The following PPP1R26 variants were observed in gnomAD, a reference collection of about 807,000 sequenced individuals.
The protein encoded by PPP1R26 is 1A6/DRIM (down-regulated in metastasis) interacting protein.
Under a neutral mutation model 67.6 loss-of-function variants are expected in PPP1R26, and 22 were observed. That is an observed-to-expected ratio of 0.33 (90% CI 0.23 to 0.46). The LOEUF (loss-of-function observed/expected upper bound fraction) is 0.46. PPP1R26 is among the 20% of genes least tolerant of loss of function. The pLI is 1.00. For synonymous variants in PPP1R26, 729 were observed against 717.2 expected (o/e 1.02, Z -0.26); for missense variants, 1,602 against 1,651.4 (o/e 0.97, Z 0.52).
rs1466241217 is a variant in PPP1R26, at chr9:135,487,775, T to C, written c.3265T>C (p.Phe1089Leu). 1.3e-6 allele frequency: 2 copies of C among 1,522,814 alleles called. No individual in the cohort carries two copies. Among genetic ancestry groups the C allele is most frequent in the South Asian group, 2.6e-5 (2 of 78,132 alleles). The allele number at this position is 1,522,814 out of a possible 1,614,324, so 94.3% of individuals were successfully genotyped here. ...GCTGCTGTCCACCCAGCTCTTCCAC[T>C]TTGGAAAGGGTGTCTCCTGGGGGGG... is the stretch of plus-strand genomic sequence containing the variant. ...SPLLSTQLFH[F>L]GKGVSWGGRQ... The change falls in exon 4 of 4, where the codon TTT becomes CTT. Residue 1089 changes from phenylalanine to leucine, a missense_variant. Around this residue, in one of 5 missense-constraint regions of PPP1R26, gnomAD observed 740 missense variants for 696.3 expected, o/e 1.06. Transcript: ENST00000356818.
At position 135,482,758 on chromosome 9, in the gene PPP1R26, C is replaced by T. The variant is rs180880736; in HGVS notation, c.-253C>T. 64 of 398,488 alleles carry T rather than the reference C, an allele frequency of 1.6e-4. 1 individual carries two copies. In the East Asian group the frequency reaches 1.9e-3, roughly 12 times the overall value. 24.7% of individuals were successfully genotyped at this position (398,488 alleles called of 1,614,324 possible). A position where few individuals can be genotyped will look rare whatever the true frequency, so the allele number is the denominator to read the frequency against. On this transcript the variant is annotated 5_prime_UTR_variant, in exon 2 of 4. Transcript: ENST00000356818. Reference sequence around the variant, plus strand: ...AGTGATGAGGACCTGATCTCTGGGCCGTGTGGGAACACTGGCTGCCATTTC... The same window carrying T: ...AGTGATGAGGACCTGATCTCTGGGCTGTGTGGGAACACTGGCTGCCATTTC...
chr9:135,486,342 A>G lies in PPP1R26; in HGVS notation c.1832A>G (p.Gln611Arg), dbSNP rs1471671942. 2 of 1,612,988 alleles carry G rather than the reference A, an allele frequency of 1.2e-6. No homozygotes were observed. The highest frequency in any genetic ancestry group is 2.7e-5 in the African/African-American group (2 of 74,936). The change falls in exon 4 of 4, where the codon CAG (glutamine) becomes CGG (arginine). Residue 611 changes from glutamine to arginine, a missense_variant. This residue lies in a region of PPP1R26 where 680 missense variants were observed against 726.1 expected (regional missense o/e 0.94). Coordinates refer to ENST00000356818, the MANE Select transcript of PPP1R26 (RefSeq NM_014811.5). This position sits in a 1 kb window ranked among gnomAD's most constrained non-coding sequence, Gnocchi z 6.2. ...HVRPSTPKKM[Q>R]EVVKDGSQDA... ...AGGCCATCCACGCCCAAGAAAATGCAGGAGGTGGTGAAAGACGGTAGCCAG... is the reference window on the plus strand; with the variant it reads ...AGGCCATCCACGCCCAAGAAAATGCGGGAGGTGGTGAAAGACGGTAGCCAG...
Position 135,485,900 on chromosome 9 carries a change from A to T in PPP1R26, c.1390A>T (p.Arg464Trp), listed in dbSNP as rs147504115. The T allele has an allele frequency of 6.2e-7, 1 of 1,613,432 alleles. No homozygotes were observed. The highest frequency in any genetic ancestry group is 1.3e-5 in the African/African-American group (1 of 74,908). ...TCCACCTCCAGCGAGCCCTGCTTCC[A>T]GGAGTGAGTTTGTGGAACGGTCCTC... ...KAPPPASPAS[R>W]SEFVERSSCR... is the part of the protein sequence containing the mutation. The change falls in exon 4 of 4, where the codon AGG (arginine) becomes TGG (tryptophan). Residue 464 changes from arginine (R) to tryptophan (W), a missense_variant. Transcript: ENST00000356818. The surrounding 1 kb of genome is among the most constrained non-coding windows in gnomAD (Gnocchi z 7.2).
chr9:135,486,877 C>T lies in PPP1R26; in HGVS notation c.2367C>T (p.Asp789=), dbSNP rs777369326. The T allele has an allele frequency of 7.4e-6, 12 of 1,612,190 alleles. No individual in the cohort carries two copies. The East Asian group carries it at 1.6e-4, about 21-fold the overall frequency. Residue 789 remains aspartate, a synonymous_variant, in exon 4 of 4, where the codon GAC becomes GAT. Transcript: ENST00000356818. The surrounding 1 kb of genome is among the most constrained non-coding windows in gnomAD (Gnocchi z 6.2). ...GGCAGGAGGGTGCCGCGAGCCAGGA[C>T]GCGGCCCTGGCCTTCCGGGTGAGGA... ...RMRQEGAASQ[D]AALAFRVRRP...
chr9:135,484,206 T>G (rs1830621716), intron 3 of PPP1R26, 124 bp downstream of exon 3: 1 of 474,670 alleles, frequency 2.1e-6, no homozygotes, highest in Admixed American at 3.8e-5. Context: ...AACATTTTCT[T>G]ACTGAATCTT....
At position 135,486,734 on chromosome 9, in the gene PPP1R26, T is replaced by C; in HGVS notation, c.2224T>C (p.Trp742Arg). The change falls in exon 4 of 4, where the codon TGG (tryptophan) becomes CGG (arginine). Residue 742 changes from tryptophan (W) to arginine (R), a missense_variant. Transcript: ENST00000356818. The surrounding 1 kb of genome is among the most constrained non-coding windows in gnomAD (Gnocchi z 6.2). ...GCAGCTGGGCGGGCTCCGGAGAGACTGGAAAGACAGGGGCCCGCCAGTGCT... is the reference window on the plus strand; with the variant it reads ...GCAGCTGGGCGGGCTCCGGAGAGACCGGAAAGACAGGGGCCCGCCAGTGCT... ...LEQLGGLRRDWKDRGPPVLKS... is the reference protein window; with the variant it reads ...LEQLGGLRRDRKDRGPPVLKS... The C allele has an allele frequency of 1.3e-6, 2 of 1,570,342 alleles. No individual in the cohort carries two copies. Among genetic ancestry groups the C allele is most frequent in the Non-Finnish European group, 1.7e-6 (2 of 1,158,384 alleles).
chr9:135,484,671 T>C lies in PPP1R26; in HGVS notation c.161T>C (p.Leu54Pro), dbSNP rs1830641690. Residue 54 changes from leucine (L) to proline (P), a missense_variant, in exon 4 of 4, where the codon CTG (leucine) becomes CCG (proline). By Grantham distance (98) the Leu-to-Pro change is moderately conservative. This residue lies in a region of PPP1R26 where 168 missense variants were observed against 176.1 expected (regional missense o/e 0.95). Transcript: ENST00000356818. ...CGGGTGCAGATGCTTATCAGCACTC[T>C]GCAGCGCGACGGGGCTGCTCGGGGC... ...SARVQMLISTLQRDGAARGTS... is the reference protein window; with the variant it reads ...SARVQMLISTPQRDGAARGTS... 6.2e-7 allele frequency: 1 copy of C among 1,610,774 alleles called. No homozygotes were observed. The highest frequency in any genetic ancestry group is 1.7e-5 in the Admixed American group (1 of 59,992).
In PPP1R26 at chr9:135,487,646, G is replaced by A; in HGVS notation, c.3136G>A (p.Gly1046Ser). The A allele has an allele frequency of 1.4e-6, 2 of 1,475,988 alleles. No individual in the cohort carries two copies. Among genetic ancestry groups the A allele is most frequent in the Non-Finnish European group, 1.8e-6 (2 of 1,113,224 alleles). The allele number at this position is 1,475,988 out of a possible 1,614,324, so 91.4% of individuals were successfully genotyped here. A position where few individuals can be genotyped will look rare whatever the true frequency, so the allele number is the denominator to read the frequency against. The change falls in exon 4 of 4, where the codon GGC (glycine) becomes AGC (serine). Residue 1046 changes from glycine (G) to serine (S), a missense_variant. Physicochemically the swap from Gly to Ser is moderately conservative, Grantham distance 56. Coordinates refer to ENST00000356818, the MANE Select transcript of PPP1R26 (RefSeq NM_014811.5). ...CAGCCCGTGGGTGCTGCGCTCCGAA[G>A]GCAGAGATGCAGTGTGGAGGGGGGG... is the stretch of plus-strand genomic sequence containing the variant. The part of the protein sequence containing the change: ...LPSPWVLRSE[G>S]RDAVWRGGVG...
rs370325909 is a variant in PPP1R26 at position 135,484,478 on chromosome 9, C to T, written c.-33C>T. On this transcript the variant is annotated 5_prime_UTR_variant, in exon 4 of 4. Transcript: ENST00000356818. Reference sequence around the variant, plus strand: ...TGAAGCCGGTAGAGAAATAAAGCATCGCCCCTCTGCGCGCCCCTCCCCGTC... The same window carrying T: ...TGAAGCCGGTAGAGAAATAAAGCATTGCCCCTCTGCGCGCCCCTCCCCGTC... 2.9e-5 allele frequency: 44 copies of T among 1,493,074 alleles called. No individual in the cohort carries two copies. The African/African-American group carries it at 5.2e-4, about 18-fold the overall frequency. 92.5% of individuals were successfully genotyped at this position (1,493,074 alleles called of 1,614,324 possible). A position where few individuals can be genotyped will look rare whatever the true frequency, so the allele number is the denominator to read the frequency against.
At chr9:135,484,398 G>A in intron 3 of PPP1R26, 51 bp from the exon 4 acceptor site, 2 of 1,036,892 alleles carry the variant, frequency 1.9e-6, no homozygotes, top group Admixed American at 2.5e-5. Flanking sequence ...GGTGTTGGCA[G>A]CTATCGCTGT....
At chr9:135,483,871 G>T (rs891176727) in intron 2 of PPP1R26, 79 bp from the exon 3 acceptor site, 1 of 397,470 alleles carries the variant, frequency 2.5e-6, no homozygotes, top group African/African-American at 2.1e-5. Context: ...ACATAGAGAG[G>T]GTTTAGTAAA....
In PPP1R26 at chr9:135,484,761, C is replaced by T. The variant is rs1161552950; in HGVS notation, c.251C>T (p.Ala84Val). ...GAGGGATGCCACGACGCCAGGCCGGCTGCCAAGCCCACCGTGCACAAGGAG... is the reference window on the plus strand; with the variant it reads ...GAGGGATGCCACGACGCCAGGCCGGTTGCCAAGCCCACCGTGCACAAGGAG... ...RAEGCHDARP[A>V]AKPTVHKEPP... Residue 84 changes from alanine (A) to valine (V), a missense_variant, in exon 4 of 4, where the codon GCT becomes GTT. This residue lies in a region of PPP1R26 where 168 missense variants were observed against 176.1 expected (regional missense o/e 0.95). Transcript: ENST00000356818. The T allele has an allele frequency of 6.2e-7, 1 of 1,610,722 alleles. No homozygotes were observed. The highest frequency in any genetic ancestry group is 1.1e-5 in the South Asian group (1 of 90,894).
In PPP1R26 at chr9:135,485,140, C is replaced by T. The variant is rs754737877; in HGVS notation, c.630C>T (p.Ser210=). ...SQVGSSKDQG[S]ASPVSVSSDD... ...TGGGATCCAGCAAGGACCAGGGCTCCGCCTCCCCGGTCAGTGTGAGCAGCG... is the reference window on the plus strand; with the variant it reads ...TGGGATCCAGCAAGGACCAGGGCTCTGCCTCCCCGGTCAGTGTGAGCAGCG... Residue 210 remains serine (S), a synonymous_variant, in exon 4 of 4, where the codon TCC becomes TCT. Coordinates refer to ENST00000356818, the MANE Select transcript of PPP1R26 (RefSeq NM_014811.5). The surrounding 1 kb of genome is among the most constrained non-coding windows in gnomAD (Gnocchi z 7.2). 1.7e-5 allele frequency: 28 copies of T among 1,612,754 alleles called. No individual in the cohort carries two copies. The highest frequency in any genetic ancestry group is 6.6e-5 in the South Asian group (6 of 91,068).
Position 135,486,170 on chromosome 9 carries a change from A to C in PPP1R26, c.1660A>C (p.Arg554=). The C allele has an allele frequency of 6.2e-7, 1 of 1,613,048 alleles. No homozygotes were observed. Among genetic ancestry groups the C allele is most frequent in the Non-Finnish European group, 8.5e-7 (1 of 1,180,036 alleles). The change falls in exon 4 of 4, where the codon AGA becomes CGA. Residue 554 remains arginine (R), a synonymous_variant. Coordinates refer to ENST00000356818, the MANE Select transcript of PPP1R26 (RefSeq NM_014811.5). This position sits in a 1 kb window ranked among gnomAD's most constrained non-coding sequence, Gnocchi z 6.2. ...GGCGCAGTCAGGGAGTTTGCTGGCC[A>C]GAGGTGAGAGCTGCCCGCAGGCTGC... ...LKAQSGSLLA[R]GESCPQAAQG...
Position 135,487,843 on chromosome 9 carries a change from G to C in PPP1R26, c.3333G>C (p.Leu1111=). The stretch of plus-strand genomic sequence containing the variant: ...TCAGCCCCCACCTGGGGCTGCCTCT[G>C]CAGGGCCCCTCCTTCTCGGCCTTCA... ...GLFSPHLGLP[L]QGPSFSAFRE... is the part of the protein sequence containing the mutation. Residue 1111 remains leucine (L), a synonymous_variant, in exon 4 of 4, where the codon CTG becomes CTC. Coordinates refer to ENST00000356818, the MANE Select transcript of PPP1R26 (RefSeq NM_014811.5). 6.3e-7 allele frequency: 1 copy of C among 1,595,180 alleles called. No individual in the cohort carries two copies. The highest frequency in any genetic ancestry group is 1.1e-5 in the South Asian group (1 of 88,938).
Position 135,484,868 on chromosome 9 carries a change from G to A in PPP1R26, c.358G>A (p.Val120Met). ...GGAAACTACAGACTTTGGCCCGTTGGTGCTAGATTCAGACAGTGATGATTC... is the reference window on the plus strand; with the variant it reads ...GGAAACTACAGACTTTGGCCCGTTGATGCTAGATTCAGACAGTGATGATTC... ...EEETTDFGPL[V>M]LDSDSDDSVD... The change falls in exon 4 of 4, where the codon GTG becomes ATG. Residue 120 changes from valine to methionine, a missense_variant. Physicochemically the swap from Val to Met is conservative, Grantham distance 21. Coordinates refer to ENST00000356818, the MANE Select transcript of PPP1R26 (RefSeq NM_014811.5). The A allele has an allele frequency of 6.2e-7, 1 of 1,607,306 alleles. No homozygotes were observed. The highest frequency in any genetic ancestry group is 8.5e-7 in the Non-Finnish European group (1 of 1,177,768).
chr9:135,485,150 G>GA lies in PPP1R26; in HGVS notation c.640_641insA (p.Val214AspfsTer7). 1 of 1,612,944 alleles carries GA rather than the reference G, an allele frequency of 6.2e-7. No homozygotes were observed. The highest frequency in any genetic ancestry group is 2.2e-5 in the East Asian group (1 of 44,886). The stretch of plus-strand genomic sequence containing the variant: ...CAAGGACCAGGGCTCCGCCTCCCCG[G>GA]TCAGTGTGAGCAGCGATGACTCCTT... On this transcript the variant is annotated frameshift_variant, in exon 4 of 4. Coordinates refer to ENST00000356818, the MANE Select transcript of PPP1R26 (RefSeq NM_014811.5). LOFTEE classifies it high-confidence loss of function. The surrounding 1 kb of genome is among the most constrained non-coding windows in gnomAD (Gnocchi z 7.2).
At chr9:135,482,987 C>CTT (rs57608324) in intron 2 of PPP1R26, among the ~76,000 whole-genome samples, 172 bp downstream of exon 2, 51 of 112,034 alleles carry the variant, frequency 4.6e-4, no homozygotes, top group African/African-American at 5.2e-4. Context: ...TTCTTTCTTT[C>CTT]TTTTTTTTTT....
intron 1 of PPP1R26, chr9:135,480,390 G>A (rs1189732775): frequency 6.6e-6 from 1 of 152,226 alleles, no homozygotes; most frequent in African/African-American, 2.4e-5. Flanking sequence ...GCCAGGCGGA[G>A]CTTCCGGGAG....
Sources: allele counts gnomAD v4.1 joint callset (sites outside exome capture counted in the v4.1 genomes callset), GRCh38; gene constraint gnomAD v4.1.1; regional missense constraint gnomAD v4.1.1; non-coding constraint Gnocchi (gnomAD v3.1); transcripts MANE v1.5; gene names NCBI Gene and HGNC (gene_info 2026-07-23, HGNC 2026-07-21).